The following PRKG1 variants were observed in gnomAD, a reference collection of about 807,000 sequenced individuals.
PRKG1 encodes cGMP-dependent protein kinase 1.
In PRKG1, 35 loss-of-function variants were observed where a neutral mutation model predicts 88.1. That is an observed-to-expected ratio of 0.40 (90% CI 0.30 to 0.53). PRKG1 has a LOEUF of 0.53. PRKG1 is among the 20% of genes least tolerant of loss of function. PRKG1 has a pLI of 0.59. For synonymous variants in PRKG1, 303 were observed against 292.5 expected (o/e 1.04, Z -0.37); for missense variants, 540 against 839.8 (o/e 0.64, Z 4.41).
chr10:51,393,687 C>T (rs1429460173), intron 2 of PRKG1, among the ~76,000 whole-genome samples: 2 of 152,098 alleles, frequency 1.3e-5, no homozygotes, highest in East Asian at 1.9e-4. Flanking sequence ...AAGAATTTCA[C>T]GTTTTGACTT....
Position 52,290,277 on chromosome 10 carries a change from C to A in PRKG1, c.1949C>A (p.Pro650His). The A allele has an allele frequency of 6.2e-7, 1 of 1,611,180 alleles. No individual in the cohort carries two copies. Among genetic ancestry groups the A allele is most frequent in the Non-Finnish European group, 8.5e-7 (1 of 1,177,760 alleles). The change falls in exon 17 of 18, where the codon CCT becomes CAT. Residue 650 changes from proline to histidine, a missense_variant. Pro to His is a moderately conservative substitution (Grantham distance 77). Transcript: ENST00000373980. The stretch of plus-strand genomic sequence containing the variant: ...TTAAGAAAAGGTACCTTGACACCTC[C>A]TATAATACCAAGTGTAAGTAGACTT... Reference protein sequence around the residue: ...EGLRKGTLTPPIIPSVASPTD... With the variant: ...EGLRKGTLTPHIIPSVASPTD...
At chr10:51,976,768 A>G (rs1843845521) in intron 5 of PRKG1, among the ~76,000 whole-genome samples, 1 of 152,000 alleles carries the variant, frequency 6.6e-6, no homozygotes, top group South Asian at 2.1e-4. Context: ...CTTGTGAATT[A>G]TATCTCAATG....
intron 9 of PRKG1, among the ~76,000 whole-genome samples, chr10:52,231,829 A>G (rs917202624): frequency 1.3e-5 from 2 of 152,240 alleles, no homozygotes; most frequent in Non-Finnish European, 2.9e-5. Context: ...GTAACACTCT[A>G]GAAATTAACA....
At chr10:52,105,966 C>T (rs1415638426) in intron 7 of PRKG1, among the ~76,000 whole-genome samples, 3 of 151,510 alleles carry the variant, frequency 2.0e-5, no homozygotes, top group East Asian at 2.0e-4. Context: ...TATCCCCCCA[C>T]TCCCCTCCCA....
intron 1 of PRKG1, among the ~76,000 whole-genome samples, chr10:51,087,871 C>A (rs1472182937): frequency 6.6e-6 from 1 of 152,148 alleles, no homozygotes; most frequent in Non-Finnish European, 1.5e-5. Flanking sequence ...ATCAAGCGGT[C>A]CTCCTGCCTC....
At position 51,574,778 on chromosome 10, in the gene PRKG1, C is replaced by G. The variant is rs1355639001; in HGVS notation, c.592+106942C>G. On this transcript the variant is annotated intron_variant, in intron 3 of 17. Transcript: ENST00000373980. ...AATAAATACAAAACAGACTTTATAG[C>G]CTTCTCAGTGAATAAATCTGAAGCA... Among the ~76,000 whole-genome samples the G allele has an allele frequency of 2.6e-5, 4 of 151,894 alleles. No homozygotes were observed. The East Asian group carries it at 7.7e-4, about 29-fold the overall frequency.
intron 2 of PRKG1, among the ~76,000 whole-genome samples, chr10:51,320,840 A>C (rs1025295517): frequency 6.6e-6 from 1 of 152,226 alleles, no homozygotes; most frequent in Admixed American, 6.5e-5. Context: ...TCTTTTAACA[A>C]GTTCAGTTAC....
chr10:51,956,965 C>T (rs1038210814), intron 5 of PRKG1, among the ~76,000 whole-genome samples: 1 of 151,494 alleles, frequency 6.6e-6, no homozygotes, highest in African/African-American at 2.4e-5. Context: ...TTCCTTCCTT[C>T]CTTCCTCTTT....
Position 51,754,471 on chromosome 10 carries a change from A to G in PRKG1, c.593-50114A>G, listed in dbSNP as rs992851472. 1.1e-4 allele frequency among the ~76,000 whole-genome samples: 16 copies of G among 152,290 alleles called. No individual in the cohort carries two copies. The East Asian group carries it at 2.7e-3, about 26-fold the overall frequency. On this transcript the variant is annotated intron_variant, in intron 3 of 17. Coordinates refer to ENST00000373980, the MANE Select transcript of PRKG1 (RefSeq NM_006258.4). ...TTAATCTTATTTCACTCAGGATGGT[A>G]CTGAATTTCACAGAGGTTAAGTGAG...
chr10:51,773,634 CT>C (rs1307126258), intron 3 of PRKG1, among the ~76,000 whole-genome samples: 17 of 152,198 alleles, frequency 1.1e-4, no homozygotes, highest in African/African-American at 4.1e-4. Context: ...GCCTCTTAAA[CT>C]TGTTTCATGC....
chr10:51,042,913 G>A (rs1246303837), intron 1 of PRKG1, among the ~76,000 whole-genome samples: 1 of 152,168 alleles, frequency 6.6e-6, no homozygotes, highest in African/African-American at 2.4e-5. Flanking sequence ...AAGGTGCAAT[G>A]AAAAGATGGC....
intron 1 of PRKG1, among the ~76,000 whole-genome samples, chr10:51,075,250 AAAAG>A (rs1843919922): frequency 6.6e-6 from 1 of 152,226 alleles, no homozygotes; most frequent in South Asian, 2.1e-4. Flanking sequence ...CCCGTCTCCC[AAAAG>A]CCCTGGCAAA....
chr10:51,669,241 C>T (rs1043164667), intron 3 of PRKG1, among the ~76,000 whole-genome samples: 9 of 152,106 alleles, frequency 5.9e-5, no homozygotes, highest in Admixed American at 2.6e-4. Flanking sequence ...GAGATCAGGG[C>T]GCCAGCATAG....
At chr10:50,998,705 G>A (rs539795137) in intron 1 of PRKG1, among the ~76,000 whole-genome samples, 73 of 152,296 alleles carry the variant, frequency 4.8e-4, no homozygotes, top group Admixed American at 1.6e-3. Flanking sequence ...CCAAGATCGT[G>A]CCCCTGCACT....
intron 3 of PRKG1, among the ~76,000 whole-genome samples, chr10:51,642,498 A>AT (rs1373094251): frequency 2.0e-5 from 3 of 152,112 alleles, no homozygotes; most frequent in African/African-American, 7.2e-5. Flanking sequence ...TCAGCTTTCC[A>AT]TTTTTTGGGC....
intron 3 of PRKG1, among the ~76,000 whole-genome samples, chr10:51,539,396 T>C (rs923282117): frequency 3.3e-5 from 5 of 152,182 alleles, no homozygotes; most frequent in Admixed American, 6.5e-5. Flanking sequence ...TAACAAGATA[T>C]GTAAGTTATC....
At chr10:51,645,224 A>C (rs1796305826) in intron 3 of PRKG1, among the ~76,000 whole-genome samples, 2 of 152,176 alleles carry the variant, frequency 1.3e-5, no homozygotes. Context: ...CTGTTTGTTT[A>C]CATGTACATT....
intron 3 of PRKG1, among the ~76,000 whole-genome samples, chr10:51,632,783 C>A (rs1168013366): frequency 1.3e-5 from 2 of 152,166 alleles, no homozygotes; most frequent in Non-Finnish European, 2.9e-5. Context: ...GGTAAAACTG[C>A]ACTTACTGAC....
chr10:51,735,891 T>TACATA (rs1837261540), intron 3 of PRKG1, among the ~76,000 whole-genome samples: 1 of 133,506 alleles, frequency 7.5e-6, no homozygotes. Flanking sequence ...GTATATTTAT[T>TACATA]TATTTATTTA....
Sources: allele counts gnomAD v4.1 joint callset (sites outside exome capture counted in the v4.1 genomes callset), GRCh38; gene constraint gnomAD v4.1.1; transcripts MANE v1.5; gene names NCBI Gene and HGNC (gene_info 2026-07-23, HGNC 2026-07-21).